The following DCLK2 variants were observed in gnomAD, a reference collection of about 807,000 sequenced individuals.
DCLK2 encodes the protein doublecortin like kinase 2.
DCLK2 carries 31 observed loss-of-function variants against 78.4 expected under a neutral mutation model. That is an observed-to-expected ratio of 0.40 (90% CI 0.30 to 0.53). The LOEUF (loss-of-function observed/expected upper bound fraction) is 0.53. Among genes scored for constraint, DCLK2 ranks in the 20% least tolerant of loss-of-function variants. DCLK2 has a pLI of 0.61. For missense variants in DCLK2, 872 were observed against 973.7 expected (o/e 0.90, Z 1.39); for synonymous variants, 407 against 374.9 (o/e 1.09, Z -0.99).
intron 2 of DCLK2, among the ~76,000 whole-genome samples, chr4:150,188,060 A>G (rs1030190480): frequency 6.6e-6 from 1 of 152,136 alleles, no homozygotes; most frequent in Non-Finnish European, 1.5e-5. Flanking sequence ...TGGCCTCCCA[A>G]AGTGTTGGGA....
chr4:150,208,124 T>C (rs1739985236), intron 5 of DCLK2, among the ~76,000 whole-genome samples: 1 of 152,162 alleles, frequency 6.6e-6, no homozygotes, highest in African/African-American at 2.4e-5. Flanking sequence ...TGAACTGACT[T>C]AACAGGAATC....
intron 8 of DCLK2, among the ~76,000 whole-genome samples, chr4:150,231,357 A>C (rs995170227): frequency 2.0e-5 from 3 of 152,258 alleles, no homozygotes; most frequent in African/African-American, 7.2e-5. Flanking sequence ...AGCACAGTGC[A>C]TTCAGTGCTC....
chr4:150,124,214 G>GTTTAAT (rs1458672226), intron 2 of DCLK2, among the ~76,000 whole-genome samples: 1 of 152,126 alleles, frequency 6.6e-6, no homozygotes, highest in Non-Finnish European at 1.5e-5. Context: ...CTCCACAGAA[G>GTTTAAT]TTTAATTCTC....
chr4:150,140,998 A>G (rs916023831), intron 2 of DCLK2, among the ~76,000 whole-genome samples: 2 of 152,180 alleles, frequency 1.3e-5, no homozygotes, highest in African/African-American at 4.8e-5. Context: ...TCTTCCTTCA[A>G]ATATGGAGAT....
chr4:150,201,921 CTT>C (rs1429942032), intron 4 of DCLK2, among the ~76,000 whole-genome samples: 1 of 152,086 alleles, frequency 6.6e-6, no homozygotes, highest in Non-Finnish European at 1.5e-5. Context: ...TTTTTAAAGA[CTT>C]TATTTTTAAG....
intron 14 of DCLK2, among the ~76,000 whole-genome samples, chr4:150,249,107 A>T (rs1743550176): frequency 6.6e-6 from 1 of 152,186 alleles, no homozygotes; most frequent in Non-Finnish European, 1.5e-5. Flanking sequence ...CTCTTGGGCT[A>T]AATGACGTGG....
At chr4:150,091,219 C>T (rs771511800) in intron 1 of DCLK2, among the ~76,000 whole-genome samples, 20 of 152,300 alleles carry the variant, frequency 1.3e-4, no homozygotes, top group South Asian at 2.1e-4. Flanking sequence ...ACAAACGCTG[C>T]GCTTGATGAA....
chr4:150,182,595 T>G (rs1737613285), intron 2 of DCLK2, among the ~76,000 whole-genome samples: 1 of 152,188 alleles, frequency 6.6e-6, no homozygotes, highest in South Asian at 2.1e-4. Flanking sequence ...GGTATGTTCT[T>G]TACATCTTTA....
At chr4:150,155,734 T>A (rs1006520322) in intron 2 of DCLK2, among the ~76,000 whole-genome samples, 1 of 152,136 alleles carries the variant, frequency 6.6e-6, no homozygotes, top group Non-Finnish European at 1.5e-5. Context: ...TCAATAAGAT[T>A]GGGATTTCTG....
At chr4:150,094,165 C>A (rs2150142925) in intron 1 of DCLK2, among the ~76,000 whole-genome samples, 1 of 152,250 alleles carries the variant, frequency 6.6e-6, no homozygotes, top group Admixed American at 6.5e-5. Context: ...AAGTATCACA[C>A]CAAAAGTACC....
intron 1 of DCLK2, among the ~76,000 whole-genome samples, chr4:150,079,799 T>G (rs1378632679): frequency 6.6e-6 from 1 of 152,240 alleles, no homozygotes; most frequent in East Asian, 1.9e-4. Flanking sequence ...CCCCTACTAA[T>G]AAGCTCTGTT....
intron 3 of DCLK2, among the ~76,000 whole-genome samples, chr4:150,193,483 A>G (rs1738628476): frequency 6.6e-6 from 1 of 152,222 alleles, no homozygotes; most frequent in South Asian, 2.1e-4. Flanking sequence ...AGTAGTTTTC[A>G]CTTTTAGCAA....
Position 150,193,195 on chromosome 4 carries a change from G to A in DCLK2, c.814G>A (p.Glu272Lys). The A allele has an allele frequency of 6.2e-7, 1 of 1,611,580 alleles. No homozygotes were observed. Among genetic ancestry groups the A allele is most frequent in the Non-Finnish European group, 8.5e-7 (1 of 1,178,352 alleles). ...DDDVFIACGPEKFRYAQDDFV... is the reference protein window; with the variant it reads ...DDDVFIACGPKKFRYAQDDFV... The stretch of plus-strand genomic sequence containing the variant: ...CGATGTTTTTATTGCATGTGGACCA[G>A]AAAAATTTCGTTATGCCCAAGATGA... Residue 272 changes from glutamate (E) to lysine (K), a missense_variant, in exon 3 of 16, where the codon GAA becomes AAA. Coordinates refer to ENST00000296550, the MANE Select transcript of DCLK2 (RefSeq NM_001040260.4).
rs957215267 is a variant in DCLK2 at position 150,129,651 on chromosome 4, C to T, written c.756+26839C>T. On this transcript the variant is annotated intron_variant, in intron 2 of 15. Transcript: ENST00000296550. ...AGGAAAATCGCTTGAACCCAGGAGA[C>T]GGAGGTTGCAGTGAGCCAAGATTAC... is the stretch of plus-strand genomic sequence containing the variant. Among the ~76,000 whole-genome samples the T allele has an allele frequency of 2.1e-4, 32 of 151,820 alleles. 1 individual carries two copies. The highest frequency in any genetic ancestry group is 6.3e-4 in the African/African-American group (26 of 41,310).
intron 10 of DCLK2, among the ~76,000 whole-genome samples, chr4:150,237,078 A>G (rs936063524): frequency 7.2e-5 from 10 of 138,212 alleles, no homozygotes; most frequent in Non-Finnish European, 1.2e-4. Flanking sequence ...TTAAGTTGTA[A>G]AAACAAAATA....
intron 2 of DCLK2, among the ~76,000 whole-genome samples, chr4:150,127,161 G>C (rs1732975820): frequency 6.6e-6 from 1 of 152,106 alleles, no homozygotes; most frequent in African/African-American, 2.4e-5. Flanking sequence ...GTGCCTTCTA[G>C]GTTTCTCCAC....
At chr4:150,243,400 A>T (rs764037926) in intron 12 of DCLK2, among the ~76,000 whole-genome samples, 7 of 151,330 alleles carry the variant, frequency 4.6e-5, no homozygotes, top group Non-Finnish European at 8.9e-5. Flanking sequence ...AAGTGTCTTC[A>T]TGGCATACAG....
chr4:150,119,941 T>C (rs1002329472), intron 2 of DCLK2, among the ~76,000 whole-genome samples: 13 of 152,194 alleles, frequency 8.5e-5, no homozygotes, highest in African/African-American at 2.9e-4. Context: ...CAGAATTGAG[T>C]TATAGATGCT....
intron 2 of DCLK2, among the ~76,000 whole-genome samples, chr4:150,156,332 TAAG>T (rs1735265653): frequency 6.6e-6 from 1 of 151,836 alleles, no homozygotes; most frequent in South Asian, 2.1e-4. Flanking sequence ...CCCTGTGTAA[TAAG>T]AAGGAAGGTG....
Sources: allele counts gnomAD v4.1 joint callset (sites outside exome capture counted in the v4.1 genomes callset), GRCh38; gene constraint gnomAD v4.1.1; transcripts MANE v1.5; gene names NCBI Gene and HGNC (gene_info 2026-07-23, HGNC 2026-07-21).